The following TRPM6 variants were observed in gnomAD, a reference collection of about 807,000 sequenced individuals.
TRPM6 encodes the protein transient receptor potential cation channel subfamily M member 6.
TRPM6 carries 111 observed loss-of-function variants against 247.6 expected under a neutral mutation model. The observed-to-expected ratio is 0.45, with a 90% CI of 0.38 to 0.52. The LOEUF (loss-of-function observed/expected upper bound fraction) is 0.52, where lower values mean the gene tolerates loss of function less well. TRPM6 is among the 20% of genes least tolerant of loss of function. The probability of loss-of-function intolerance (pLI) is 0.00; values close to 1 mark genes in which losing one functional copy is unlikely to be tolerated. For synonymous variants in TRPM6, 892 were observed against 853.8 expected (o/e 1.04, Z -0.78); for missense variants, 2,126 against 2,421.5 (o/e 0.88, Z 2.56).
At chr9:74,880,745 A>G (rs1370697866) in intron 1 of TRPM6, among the ~76,000 whole-genome samples, 1 of 152,184 alleles carries the variant, frequency 6.6e-6, no homozygotes, top group East Asian at 1.9e-4. Context: ...AAATACACGA[A>G]AGTATAAAAC....
At chr9:74,733,084 C>T (rs1825577206) in intron 36 of TRPM6, among the ~76,000 whole-genome samples, 1 of 151,788 alleles carries the variant, frequency 6.6e-6, no homozygotes, top group African/African-American at 2.4e-5. Context: ...ATCTCAGCTA[C>T]TCGGGAGGCT....
chr9:74,821,539 G>T, intron 8 of TRPM6, 130 bp downstream of exon 8: 1 of 1,108,888 alleles, frequency 9.0e-7, no homozygotes, highest in Non-Finnish European at 1.4e-6. Context: ...CACAGTCACT[G>T]AGAAATGAAA....
At chr9:74,781,501 C>T (rs1827446638) in intron 23 of TRPM6, among the ~76,000 whole-genome samples, 1 of 129,866 alleles carries the variant, frequency 7.7e-6, no homozygotes. Context: ...ACACCAACTG[C>T]ACTCCAGCCT....
chr9:74,831,489 C>G (rs1333565623), intron 6 of TRPM6, among the ~76,000 whole-genome samples: 5 of 151,898 alleles, frequency 3.3e-5, no homozygotes, highest in African/African-American at 1.2e-4. Flanking sequence ...GACTCCATCT[C>G]TGGGAAAAAA....
intron 3 of TRPM6, among the ~76,000 whole-genome samples, chr9:74,854,932 G>GCCTCCCA (rs1247714034): frequency 6.6e-6 from 1 of 152,158 alleles, no homozygotes; most frequent in African/African-American, 2.4e-5. Flanking sequence ...ATCCACCTTG[G>GCCTCCCA]CCTCCCAGAA....
intron 1 of TRPM6, among the ~76,000 whole-genome samples, chr9:74,879,166 T>A (rs1465619610): frequency 6.6e-6 from 1 of 151,804 alleles, no homozygotes; most frequent in Non-Finnish European, 1.5e-5. Flanking sequence ...AATTAAAGAA[T>A]TCTCTGAATG....
intron 27 of TRPM6, among the ~76,000 whole-genome samples, chr9:74,757,241 A>C (rs1310441103): frequency 6.6e-6 from 1 of 152,038 alleles, no homozygotes; most frequent in Non-Finnish European, 1.5e-5. Flanking sequence ...ACCCAAAGTA[A>C]ATAGAACAAA....
At chr9:74,856,400 A>G (rs1830522080) in intron 2 of TRPM6, among the ~76,000 whole-genome samples, 1 of 151,800 alleles carries the variant, frequency 6.6e-6, no homozygotes, top group Non-Finnish European at 1.5e-5. Context: ...AGATCATGCC[A>G]CTGTACTGCA....
chr9:74,748,544 C>T (rs1483188333), intron 30 of TRPM6, among the ~76,000 whole-genome samples: 1 of 151,980 alleles, frequency 6.6e-6, no homozygotes, highest in African/African-American at 2.4e-5. Context: ...TGATCCTGAT[C>T]CTGTGTAGGT....
chr9:74,855,381 C>G (rs1335631799), intron 3 of TRPM6, 146 bp downstream of exon 3: 3 of 704,216 alleles, frequency 4.3e-6, no homozygotes, highest in East Asian at 5.2e-5. Context: ...CACTCTCCAT[C>G]AAAAACATCT....
intron 23 of TRPM6, among the ~76,000 whole-genome samples, chr9:74,781,851 C>T (rs1001609224): frequency 7.2e-5 from 11 of 152,198 alleles, no homozygotes; most frequent in African/African-American, 2.7e-4. Flanking sequence ...GCGGGTTCCA[C>T]ATCTGTGGAT....
At chr9:74,864,456 C>T (rs984523181) in intron 1 of TRPM6, among the ~76,000 whole-genome samples, 2 of 152,142 alleles carry the variant, frequency 1.3e-5, no homozygotes, top group Admixed American at 1.3e-4. Flanking sequence ...GAGGGGCAGT[C>T]TCAGAAAAAC....
At chr9:74,739,024 T>C (rs933545220) in intron 35 of TRPM6, among the ~76,000 whole-genome samples, 3 of 152,148 alleles carry the variant, frequency 2.0e-5, no homozygotes, top group Non-Finnish European at 4.4e-5. Flanking sequence ...CTATAAGATA[T>C]TGGGGGAAGA....
Position 74,851,780 on chromosome 9 carries a change from C to CATAT in TRPM6, c.152+3743_152+3746dup, listed in dbSNP as rs200109350. 4.1e-4 allele frequency among the ~76,000 whole-genome samples: 59 copies of CATAT among 144,644 alleles called. No homozygotes were observed. The Middle Eastern group carries it at 0.011, about 26-fold the overall frequency. 94.9% of individuals were successfully genotyped at this position (144,644 alleles called of 152,430 possible). A position where few individuals can be genotyped will look rare whatever the true frequency, so the allele number is the denominator to read the frequency against. On this transcript the variant is annotated intron_variant, in intron 3 of 38. Transcript: ENST00000360774. ...AAAAAAAAAATATATATATATAATA[C>CATAT]ATATATATATAATATATATATTACA... is the stretch of plus-strand genomic sequence containing the variant.
At chr9:74,773,101 T>C (rs532356450) in intron 24 of TRPM6, among the ~76,000 whole-genome samples, 26 of 152,286 alleles carry the variant, frequency 1.7e-4, no homozygotes, top group Non-Finnish European at 3.4e-4. Flanking sequence ...CACTCCAGCC[T>C]GGGCAACAGA....
intron 23 of TRPM6, among the ~76,000 whole-genome samples, chr9:74,780,360 A>G (rs138218368): frequency 7.2e-5 from 11 of 152,034 alleles, no homozygotes; most frequent in Non-Finnish European, 1.6e-4. Context: ...AGGCTGAGGT[A>G]GGACACCTGC....
At chr9:74,801,130 G>T (rs533284416) in intron 16 of TRPM6, among the ~76,000 whole-genome samples, 1 of 151,772 alleles carries the variant, frequency 6.6e-6, no homozygotes, top group East Asian at 1.9e-4. Flanking sequence ...TAGAGACAGG[G>T]TCTTGCTGTG....
At chr9:74,767,807 A>C (rs568707873) in intron 25 of TRPM6, among the ~76,000 whole-genome samples, 1 of 152,248 alleles carries the variant, frequency 6.6e-6, no homozygotes, top group South Asian at 2.1e-4. Context: ...CTGCCTCTAT[A>C]AAAATGAAAA....
At chr9:74,765,653 G>T (rs934255154) in intron 25 of TRPM6, among the ~76,000 whole-genome samples, 2 of 152,158 alleles carry the variant, frequency 1.3e-5, no homozygotes, top group African/African-American at 4.8e-5. Flanking sequence ...GCTCTTATCT[G>T]GGGGCAGGGA....
Sources: allele counts gnomAD v4.1 joint callset (sites outside exome capture counted in the v4.1 genomes callset), GRCh38; gene constraint gnomAD v4.1.1; transcripts MANE v1.5; gene names NCBI Gene and HGNC (gene_info 2026-07-23, HGNC 2026-07-21).